The following OR10J1 variants were observed in gnomAD, a reference collection of about 807,000 sequenced individuals.
OR10J1 encodes olfactory receptor family 10 subfamily J member 1.
For missense variants in OR10J1, 474 were observed against 376.6 expected, an observed-to-expected ratio of 1.26 and a Z score of -2.14; for synonymous variants, 202 against 143.8, an observed-to-expected ratio of 1.40 and a Z score of -2.89.
chr1:159,402,275 A>G, the OR10J1 span, among the ~76,000 whole-genome samples: 1 of 152,136 alleles, frequency 6.6e-6, no homozygotes, highest in Non-Finnish European at 1.5e-5. Context: ...CAGACAAGAG[A>G]AAGAAATAAA....
At chr1:159,421,829 G>T in the OR10J1 span, among the ~76,000 whole-genome samples, 1 of 152,108 alleles carries the variant, frequency 6.6e-6, no homozygotes. Flanking sequence ...GACGTACGCT[G>T]GCACTGATTT....
At chr1:159,417,224 C>G in the OR10J1 span, among the ~76,000 whole-genome samples, 5 of 152,046 alleles carry the variant, frequency 3.3e-5, no homozygotes. Flanking sequence ...CTTAGCACTG[C>G]TTTTGCTGTC....
At chr1:159,431,003 G>T in the OR10J1 span, among the ~76,000 whole-genome samples, 1 of 152,100 alleles carries the variant, frequency 6.6e-6, no homozygotes, top group African/African-American at 2.4e-5. Flanking sequence ...TATTGCTGTT[G>T]TCTTATAGTT....
At chr1:159,419,569 C>T in the OR10J1 span, among the ~76,000 whole-genome samples, 3 of 152,136 alleles carry the variant, frequency 2.0e-5, no homozygotes, top group South Asian at 6.2e-4. Context: ...CTCAGGTATG[C>T]CTTTATTAGC....
chr1:159,410,852 C>G, the OR10J1 span, among the ~76,000 whole-genome samples: 200 of 150,238 alleles, frequency 1.3e-3, no homozygotes, highest in Admixed American at 2.5e-3. Flanking sequence ...ATAAATTTCC[C>G]TCTACACACT....
chr1:159,399,644 T>G, the OR10J1 span, among the ~76,000 whole-genome samples: 3 of 145,538 alleles, frequency 2.1e-5, no homozygotes, highest in African/African-American at 7.6e-5. Flanking sequence ...ATAACATTAA[T>G]GAGCAATAAA....
the OR10J1 span, among the ~76,000 whole-genome samples, chr1:159,406,818 A>G: frequency 0.086 from 13,068 of 152,114 alleles, 1,332 homozygotes; most frequent in African/African-American, 0.24. Context: ...ATTCATTTCC[A>G]TCAGTATGAA....
At chr1:159,416,095 A>G in the OR10J1 span, among the ~76,000 whole-genome samples, 3 of 152,008 alleles carry the variant, frequency 2.0e-5, no homozygotes, top group Non-Finnish European at 2.9e-5. Context: ...TGGAGTCTTT[A>G]GGTTTTTCTA....
the OR10J1 span, chr1:159,405,439 G>A: frequency 6.0e-6 from 1 of 167,580 alleles, no homozygotes; most frequent in Admixed American, 6.0e-5. Context: ...GATACACTGG[G>A]GGTTGAAGAG....
the OR10J1 span, among the ~76,000 whole-genome samples, chr1:159,413,850 T>G: frequency 6.6e-6 from 1 of 151,252 alleles, no homozygotes; most frequent in Non-Finnish European, 1.5e-5. Context: ...AATAATAAAA[T>G]AAAATAAAAA....
the OR10J1 span, among the ~76,000 whole-genome samples, chr1:159,414,054 G>A: frequency 1.3e-5 from 2 of 151,852 alleles, no homozygotes; most frequent in African/African-American, 2.4e-5. Flanking sequence ...CGTATTTAGG[G>A]TATCTATCAC....
At chr1:159,412,352 G>A in the OR10J1 span, among the ~76,000 whole-genome samples, 1 of 151,548 alleles carries the variant, frequency 6.6e-6, no homozygotes, top group South Asian at 2.1e-4. Flanking sequence ...AAGTTCATAT[G>A]CAACCAAAAA....
chr1:159,399,729 C>T, the OR10J1 span, among the ~76,000 whole-genome samples: 5,103 of 152,070 alleles, frequency 0.034, 123 homozygotes, highest in Middle Eastern at 0.079. Context: ...AACACTGTAA[C>T]TGTTGTGTGT....
At chr1:159,410,949 G>A in the OR10J1 span, among the ~76,000 whole-genome samples, 6 of 151,790 alleles carry the variant, frequency 4.0e-5, no homozygotes, top group Non-Finnish European at 7.4e-5. Flanking sequence ...CCTTCATTTC[G>A]TTATGTACCC....
upstream of OR10J1, among the ~76,000 whole-genome samples, chr1:159,435,532 G>T (rs192470289): frequency 3.9e-5 from 6 of 152,262 alleles, no homozygotes; most frequent in East Asian, 9.6e-4. Context: ...GGAGATTCAA[G>T]AAATATTTGA....
At chr1:159,403,512 T>C in the OR10J1 span, among the ~76,000 whole-genome samples, 1 of 152,084 alleles carries the variant, frequency 6.6e-6, no homozygotes, top group African/African-American at 2.4e-5. Context: ...CATATGAAAA[T>C]GTGCTCAACG....
upstream of OR10J1, among the ~76,000 whole-genome samples, chr1:159,435,367 T>C (rs952555870): frequency 1.3e-5 from 2 of 152,192 alleles, no homozygotes; most frequent in Non-Finnish European, 2.9e-5. Context: ...GCAGTCTGAA[T>C]AAATACTGAC....
At chr1:159,401,907 G>A in the OR10J1 span, among the ~76,000 whole-genome samples, 1 of 151,988 alleles carries the variant, frequency 6.6e-6, no homozygotes, top group East Asian at 1.9e-4. Flanking sequence ...ATGACCAAGT[G>A]GGATTTAATC....
At chr1:159,401,730 G>A in the OR10J1 span, among the ~76,000 whole-genome samples, 24 of 151,802 alleles carry the variant, frequency 1.6e-4, no homozygotes, top group South Asian at 4.2e-4. Flanking sequence ...GAAGGAATAC[G>A]TCAAACTCAT....
Sources: gnomAD v4.1 joint callset for allele counts (sites outside exome capture counted in the v4.1 genomes callset) on GRCh38, gnomAD v4.1.1 for gene constraint, MANE v1.5 for transcripts, NCBI Gene and HGNC (gene_info 2026-07-23, HGNC 2026-07-21) for gene names.